The following CDYL2 variants were observed in gnomAD, a reference collection of about 807,000 sequenced individuals.
The protein encoded by CDYL2 is chromodomain Y-like protein 2.
Under a neutral mutation model 49.4 loss-of-function variants are expected in CDYL2, and 23 were observed. The observed-to-expected ratio is 0.47, with a 90% CI of 0.34 to 0.66. The LOEUF (loss-of-function observed/expected upper bound fraction) is 0.66. CDYL2 is among the 30% of genes least tolerant of loss of function. The pLI, the probability that CDYL2 is intolerant of heterozygous loss-of-function variation, is 0.01. For synonymous variants in CDYL2, 360 were observed against 268.8 expected (o/e 1.34, Z -3.32); for missense variants, 678 against 656.4 (o/e 1.03, Z -0.36).
intron 1 of CDYL2, among the ~76,000 whole-genome samples, chr16:80,730,180 A>C (rs1905279341): frequency 6.6e-6 from 1 of 152,214 alleles, no homozygotes; most frequent in South Asian, 2.1e-4. Context: ...TTTTGAAAGG[A>C]TCAACAAAAT....
At chr16:80,794,389 A>G (rs898867748) in intron 1 of CDYL2, among the ~76,000 whole-genome samples, 2 of 152,164 alleles carry the variant, frequency 1.3e-5, no homozygotes. Flanking sequence ...AAGAACACTG[A>G]AGAACCACTG....
At chr16:80,726,283 G>A (rs1287349000) in intron 1 of CDYL2, among the ~76,000 whole-genome samples, 4 of 152,178 alleles carry the variant, frequency 2.6e-5, no homozygotes, top group African/African-American at 9.6e-5. Flanking sequence ...CTCCCAGTAA[G>A]AAGCATTTGT....
At chr16:80,750,825 G>A (rs1024332055) in intron 1 of CDYL2, among the ~76,000 whole-genome samples, 3 of 152,034 alleles carry the variant, frequency 2.0e-5, no homozygotes, top group Admixed American at 6.6e-5. Flanking sequence ...CGAGACCATC[G>A]TGGCTAAACA....
chr16:80,602,538 C>T lies in CDYL2; in HGVS notation c.*1850G>A, dbSNP rs904744593. 2.6e-5 allele frequency: 4 copies of T among 152,238 alleles called. No individual in the cohort carries two copies. Among genetic ancestry groups the T allele is most frequent in the Admixed American group, 2.6e-4 (4 of 15,272 alleles). The allele number at this position is 152,238 out of a possible 1,614,324, so 9.4% of individuals were successfully genotyped here. On this transcript the variant is annotated 3_prime_UTR_variant, in exon 7 of 7. Transcript: ENST00000570137. ...CTTTGAAACTCAAAGCTCAGGGCCA[C>T]GAATACATTCCACCTGCCCTGCCCA...
At chr16:80,699,880 T>TG (rs990544992) in intron 1 of CDYL2, among the ~76,000 whole-genome samples, 3 of 152,076 alleles carry the variant, frequency 2.0e-5, no homozygotes, top group Non-Finnish European at 4.4e-5. Context: ...TTTTTTTTTT[T>TG]TTTTTGAGAC....
At chr16:80,768,314 C>A (rs932304471) in intron 1 of CDYL2, among the ~76,000 whole-genome samples, 1 of 152,182 alleles carries the variant, frequency 6.6e-6, no homozygotes, top group African/African-American at 2.4e-5. Context: ...TGAACTTGGT[C>A]CACTCATCAC....
At chr16:80,692,499 T>G (rs1910456901) in intron 1 of CDYL2, among the ~76,000 whole-genome samples, 1 of 152,204 alleles carries the variant, frequency 6.6e-6, no homozygotes, top group Non-Finnish European at 1.5e-5. Context: ...AGAGAACAAT[T>G]TTAAACCTAA....
chr16:80,796,257 T>C (rs1370913473), intron 1 of CDYL2, among the ~76,000 whole-genome samples: 1 of 152,130 alleles, frequency 6.6e-6, no homozygotes, highest in Non-Finnish European at 1.5e-5. Flanking sequence ...ACTGATTGAG[T>C]CAGGACCATG....
chr16:80,639,852 C>G, intron 2 of CDYL2: 1 of 386,456 alleles, frequency 2.6e-6, no homozygotes, highest in Non-Finnish European at 5.1e-6. Flanking sequence ...CACTGTTGTC[C>G]TGTTATAGCA....
chr16:80,675,015 T>C (rs1017834577), intron 2 of CDYL2, among the ~76,000 whole-genome samples: 9 of 152,228 alleles, frequency 5.9e-5, no homozygotes, highest in African/African-American at 2.2e-4. Context: ...TACATGTGTG[T>C]GTGTTTTAAT....
intron 1 of CDYL2, among the ~76,000 whole-genome samples, chr16:80,767,566 A>G (rs1321460347): frequency 6.6e-6 from 1 of 152,150 alleles, no homozygotes; most frequent in African/African-American, 2.4e-5. Context: ...CTAATGGAAA[A>G]TTATTTGGTT....
At chr16:80,765,833 G>C (rs1228231221) in intron 1 of CDYL2, among the ~76,000 whole-genome samples, 1 of 131,582 alleles carries the variant, frequency 7.6e-6, no homozygotes, top group Non-Finnish European at 1.6e-5. Context: ...TTGAGCCCAG[G>C]AGTTTGAGAC....
chr16:80,730,384 C>T (rs1905286591), intron 1 of CDYL2, among the ~76,000 whole-genome samples: 1 of 152,060 alleles, frequency 6.6e-6, no homozygotes, highest in African/African-American at 2.4e-5. Context: ...CACATACACT[C>T]TCCCAAGACT....
At position 80,602,165 on chromosome 16, in the gene CDYL2, A is replaced by G. The variant is rs996628251; in HGVS notation, c.*2223T>C. On this transcript the variant is annotated 3_prime_UTR_variant, in exon 7 of 7. Coordinates refer to ENST00000570137, the MANE Select transcript of CDYL2 (RefSeq NM_152342.4). ...CCAGGGTCATCTAAGGGTTTTGGAAAGCTCACATTTGCTTTCTCAAAGGAG... is the reference window on the plus strand; with the variant it reads ...CCAGGGTCATCTAAGGGTTTTGGAAGGCTCACATTTGCTTTCTCAAAGGAG... 1.3e-5 allele frequency: 2 copies of G among 152,226 alleles called. No individual in the cohort carries two copies. The highest frequency in any genetic ancestry group is 4.8e-5 in the African/African-American group (2 of 41,458). The allele number at this position is 152,226 out of a possible 1,614,324, so 9.4% of individuals were successfully genotyped here.
At position 80,621,213 on chromosome 16, in the gene CDYL2, G is replaced by A. The variant is rs1025958421; in HGVS notation, c.835-278C>T. 3.3e-5 allele frequency among the ~76,000 whole-genome samples: 5 copies of A among 152,354 alleles called. No homozygotes were observed. In the East Asian group the frequency reaches 5.8e-4, roughly 18 times the overall value. The stretch of plus-strand genomic sequence containing the variant: ...CACTGGCTGCAGATCTGGAAGCCTG[G>A]CCTGGAGTCACTCAATCCTTGGTAA... On this transcript the variant is annotated intron_variant, in intron 3 of 6. Coordinates refer to ENST00000570137, the MANE Select transcript of CDYL2 (RefSeq NM_152342.4).
intron 1 of CDYL2, among the ~76,000 whole-genome samples, chr16:80,704,039 G>A (rs1904326170): frequency 6.6e-6 from 1 of 152,176 alleles, no homozygotes; most frequent in African/African-American, 2.4e-5. Flanking sequence ...GGGAGGTGAA[G>A]GTGACCAGTA....
intron 1 of CDYL2, among the ~76,000 whole-genome samples, chr16:80,750,617 A>C (rs1320594763): frequency 6.6e-6 from 1 of 152,140 alleles, no homozygotes; most frequent in East Asian, 1.9e-4. Flanking sequence ...CAAAATTATT[A>C]GAGAGGAGGG....
At chr16:80,637,196 A>C (rs1907872501) in intron 2 of CDYL2, among the ~76,000 whole-genome samples, 1 of 147,318 alleles carries the variant, frequency 6.8e-6, no homozygotes, top group African/African-American at 2.6e-5. Context: ...TTTAAAAAAA[A>C]ATCTTTTAGT....
At chr16:80,780,193 T>A (rs1907218129) in intron 1 of CDYL2, among the ~76,000 whole-genome samples, 3 of 152,086 alleles carry the variant, frequency 2.0e-5, no homozygotes, top group African/African-American at 7.2e-5. Flanking sequence ...TCTACAAACT[T>A]CTAAAAGATT....
Sources: allele counts gnomAD v4.1 joint callset (sites outside exome capture counted in the v4.1 genomes callset), GRCh38; gene constraint gnomAD v4.1.1; transcripts MANE v1.5; gene names NCBI Gene and HGNC (gene_info 2026-07-23, HGNC 2026-07-21).